The following PLB1 variants were observed in gnomAD, a reference collection of about 807,000 sequenced individuals.
The protein encoded by PLB1 is phospholipase B1.
PLB1 carries 242 observed loss-of-function variants against 227.4 expected under a neutral mutation model. That is an observed-to-expected ratio of 1.06 (90% CI 0.96 to 1.18). The LOEUF is 1.18. Ranked by LOEUF, PLB1 falls within the 50% of genes most tolerant of loss-of-function variation. The probability of loss-of-function intolerance (pLI) is 0.00; values close to 1 mark genes in which losing one functional copy is unlikely to be tolerated. For synonymous variants in PLB1, 757 were observed against 682.2 expected (o/e 1.11, Z -1.71); for missense variants, 1,858 against 1,816.3 (o/e 1.02, Z -0.42).
chr2:28,528,474 G>C (rs1216490275), intron 6 of PLB1, among the ~76,000 whole-genome samples: 3 of 152,188 alleles, frequency 2.0e-5, no homozygotes, highest in Non-Finnish European at 4.4e-5. Context: ...CCACCCTGCT[G>C]TCACTCTCAG....
intron 56 of PLB1, among the ~76,000 whole-genome samples, chr2:28,635,606 C>T (rs62129770): frequency 0.24 from 36,409 of 152,158 alleles, 4,638 homozygotes; most frequent in East Asian, 0.33. Flanking sequence ...GCTGATGTTC[C>T]CAGGGTTCCC....
At chr2:28,555,339 G>A (rs184810090) in intron 17 of PLB1, among the ~76,000 whole-genome samples, 146 of 151,870 alleles carry the variant, frequency 9.6e-4, no homozygotes, top group South Asian at 3.7e-3. Flanking sequence ...ACAGGGTTTC[G>A]CCATGTTGGC....
intron 56 of PLB1, among the ~76,000 whole-genome samples, chr2:28,639,036 C>G (rs1156613013): frequency 1.3e-5 from 2 of 150,076 alleles, no homozygotes; most frequent in Non-Finnish European, 3.0e-5. Flanking sequence ...CCATTGCACT[C>G]CAGCCTGGGT....
At chr2:28,589,169 A>C (rs189334109) in intron 26 of PLB1, among the ~76,000 whole-genome samples, 10,151 of 151,102 alleles carry the variant, frequency 0.067, 383 homozygotes, top group Non-Finnish European at 0.085. Context: ...TGTCCCCCCA[A>C]AAAAAAAAGG....
intron 4 of PLB1, 108 bp from the exon 5 acceptor site, chr2:28,525,159 T>C: frequency 1.0e-6 from 1 of 990,422 alleles, no homozygotes; most frequent in Non-Finnish European, 1.5e-6. Flanking sequence ...GCTTGTAGGT[T>C]CCCTCTTACT....
Position 28,630,569 on chromosome 2 carries a change from C to T in PLB1, c.3819-17C>T. ...AGTGCCCCAGGCAGCCTCAATACAACACTCCCTGTCTCACAGGAACAACTG... is the reference window on the plus strand; with the variant it reads ...AGTGCCCCAGGCAGCCTCAATACAATACTCCCTGTCTCACAGGAACAACTG... On this transcript the variant is annotated splice_polypyrimidine_tract_variant and intron_variant, in intron 53 of 57. Transcript: ENST00000327757. The T allele has an allele frequency of 1.2e-6, 2 of 1,610,456 alleles. No homozygotes were observed. The highest frequency in any genetic ancestry group is 1.7e-6 in the Non-Finnish European group (2 of 1,177,246).
At chr2:28,633,888 A>T (rs1443376950) in intron 56 of PLB1, among the ~76,000 whole-genome samples, 1 of 152,202 alleles carries the variant, frequency 6.6e-6, no homozygotes, top group East Asian at 1.9e-4. Flanking sequence ...GTCCTATGAC[A>T]ACTAAACAAG....
rs189632893 is a variant in PLB1 at position 28,643,682 on chromosome 2, T to C, written c.*621T>C. On this transcript the variant is annotated 3_prime_UTR_variant, in exon 58 of 58. Coordinates refer to ENST00000327757, the MANE Select transcript of PLB1 (RefSeq NM_153021.5). Reference sequence around the variant, plus strand: ...TAGGGCATCAGTAGGTAAATGTGTCTGATTGTTTTAAAGAATAGAAAGGGT... The same window carrying C: ...TAGGGCATCAGTAGGTAAATGTGTCCGATTGTTTTAAAGAATAGAAAGGGT... The C allele has an allele frequency of 2.0e-5, 3 of 152,360 alleles. No homozygotes were observed. The East Asian group carries it at 5.8e-4, about 29-fold the overall frequency. 9.4% of individuals were successfully genotyped at this position (152,360 alleles called of 1,614,324 possible).
intron 1 of PLB1, among the ~76,000 whole-genome samples, chr2:28,514,723 T>A (rs781756691): frequency 6.6e-6 from 1 of 152,238 alleles, no homozygotes; most frequent in Non-Finnish European, 1.5e-5. Context: ...ACCTTGGGCA[T>A]GTGGCTTACA....
At chr2:28,550,466 G>A (rs1033768593) in intron 16 of PLB1, among the ~76,000 whole-genome samples, 4 of 150,962 alleles carry the variant, frequency 2.6e-5, no homozygotes, top group Admixed American at 2.6e-4. Flanking sequence ...GTGAGCCACG[G>A]CGCCCAGCCT....
In PLB1 at chr2:28,566,838, G is replaced by C; in HGVS notation, c.1323G>C (p.Ala441=). 6.2e-7 allele frequency: 1 copy of C among 1,614,000 alleles called. No homozygotes were observed. Among genetic ancestry groups the C allele is most frequent in the Admixed American group, 1.7e-5 (1 of 59,938 alleles). The change falls in exon 20 of 58, where the codon GCG becomes GCC. Residue 441 remains alanine, a splice_region_variant and synonymous_variant. Transcript: ENST00000327757. ...ACATCGGCACCGTTACCACCCTGGC[G>C]AGTGAGTACGCGGCGGCGGCCGGGA... ...DENIGTVTTL[A]NILREFNPSL...
chr2:28,606,571 G>GT lies in PLB1; in HGVS notation c.3129+5dup. ...GCCCATCACCTGTCCCACTCAGGTA[G>GT]TAGGGGAGGACCTGCCTGGCTCCTC... On this transcript the variant is annotated splice_donor_region_variant and intron_variant, in intron 43 of 57. Transcript: ENST00000327757. The GT allele has an allele frequency of 6.2e-7, 1 of 1,613,828 alleles. No homozygotes were observed. Among genetic ancestry groups the GT allele is most frequent in the South Asian group, 1.1e-5 (1 of 91,082 alleles).
In PLB1 at chr2:28,589,745, C is replaced by T. The variant is rs1681554029; in HGVS notation, c.1991C>T (p.Ala664Val). 6.2e-7 allele frequency: 1 copy of T among 1,613,852 alleles called. No individual in the cohort carries two copies. The highest frequency in any genetic ancestry group is 2.2e-5 in the East Asian group (1 of 44,904). Residue 664 changes from alanine to valine, a missense_variant, in exon 28 of 58, where the codon GCA (alanine) becomes GTA (valine). Transcript: ENST00000327757. ...FHFSSKSHSR[A>V]ASALWNNMLE... ...TTCAGCAGCAAGTCTCACTCCCGAGCAGCCAGTGCTCTCTGGAACAATATG... is the reference window on the plus strand; with the variant it reads ...TTCAGCAGCAAGTCTCACTCCCGAGTAGCCAGTGCTCTCTGGAACAATATG...
chr2:28,553,035 T>G, intron 17 of PLB1, 44 bp downstream of exon 17: 5 of 1,547,898 alleles, frequency 3.2e-6, no homozygotes, highest in Non-Finnish European at 4.5e-6. Context: ...ATTCGAGGCC[T>G]GAAATCATCC....
intron 43 of PLB1, among the ~76,000 whole-genome samples, chr2:28,607,653 C>G (rs1051289448): frequency 2.0e-5 from 3 of 152,114 alleles, no homozygotes; most frequent in African/African-American, 7.2e-5. Context: ...GGCCAAAGGC[C>G]TGGAGCAAAA....
chr2:28,613,284 C>T (rs1685744207), intron 43 of PLB1, among the ~76,000 whole-genome samples: 1 of 152,220 alleles, frequency 6.6e-6, no homozygotes, highest in African/African-American at 2.4e-5. Context: ...CTTACTACTC[C>T]ACTGAGCACA....
chr2:28,540,036 T>G (rs1672258108), intron 11 of PLB1, among the ~76,000 whole-genome samples: 1 of 54,054 alleles, frequency 1.8e-5, no homozygotes, highest in Non-Finnish European at 3.4e-5. Flanking sequence ...AGGGAGAGCT[T>G]CCCTCCATCC....
chr2:28,621,721 G>A (rs531814009), intron 49 of PLB1, among the ~76,000 whole-genome samples: 2 of 152,248 alleles, frequency 1.3e-5, no homozygotes, highest in African/African-American at 4.8e-5. Context: ...TGGTAACGTG[G>A]GCCCCATGCT....
At chr2:28,568,561 A>G (rs183533319) in intron 20 of PLB1, among the ~76,000 whole-genome samples, 38 of 152,370 alleles carry the variant, frequency 2.5e-4, no homozygotes, top group African/African-American at 8.9e-4. Context: ...GCAGAACAGA[A>G]TCCCCGTTCA....
Sources: allele counts gnomAD v4.1 joint callset (sites outside exome capture counted in the v4.1 genomes callset), GRCh38; gene constraint gnomAD v4.1.1; transcripts MANE v1.5; gene names NCBI Gene and HGNC (gene_info 2026-07-23, HGNC 2026-07-21).